Variants in GATB observed in about 807,000 individuals in gnomAD.
The protein encoded by GATB is glutamyl-tRNA amidotransferase subunit B.
In GATB, 39 loss-of-function variants were observed where a neutral mutation model predicts 62.3. The ratio of observed to expected loss-of-function variants is 0.63; its 90% confidence interval spans 0.48 to 0.82. The LOEUF (loss-of-function observed/expected upper bound fraction) is 0.82, where lower values mean the gene tolerates loss of function less well. Among genes scored for constraint, GATB ranks in the 40% least tolerant of loss-of-function variants. The probability of loss-of-function intolerance (pLI) is 0.00; values close to 1 mark genes in which losing one functional copy is unlikely to be tolerated. For missense variants in GATB, 670 were observed against 684.0 expected (o/e 0.98, Z 0.23); for synonymous variants, 276 against 258.9 (o/e 1.07, Z -0.63).
At chr4:151,700,618 T>C (rs1438138054) in intron 9 of GATB, among the ~76,000 whole-genome samples, 1 of 152,210 alleles carries the variant, frequency 6.6e-6, no homozygotes, top group Non-Finnish European at 1.5e-5. Context: ...CCCTGGAAGA[T>C]GCAGCAACAA....
intron 2 of GATB, among the ~76,000 whole-genome samples, chr4:151,732,588 T>C (rs894291998): frequency 9.2e-5 from 14 of 152,102 alleles, no homozygotes; most frequent in African/African-American, 2.9e-4. Flanking sequence ...TGCGGAAGGC[T>C]GCAGGGTCCT....
At position 151,671,223 on chromosome 4, in the gene GATB, G is replaced by A; in HGVS notation, c.1625C>T (p.Ala542Val). The A allele has an allele frequency of 1.2e-6, 2 of 1,614,136 alleles. No individual in the cohort carries two copies. The highest frequency in any genetic ancestry group is 1.7e-6 in the Non-Finnish European group (2 of 1,180,000). The change falls in exon 13 of 13, where the codon GCA (alanine) becomes GTA (valine). Residue 542 changes from alanine (A) to valine (V), a missense_variant. By Grantham distance (64) the Ala-to-Val change is moderately conservative (BLOSUM62 0). Coordinates refer to ENST00000263985, the MANE Select transcript of GATB (RefSeq NM_004564.3). ...GATCTCCTTTATCATGACTGGATCT[G>A]CTCGGCTTTGAGTCGCTTTCCGGAC... ...GLVRKATQSR[A>V]DPVMIKEILE... is the part of the protein sequence containing the mutation.
At chr4:151,756,962 C>A (rs1431675962) in intron 2 of GATB, among the ~76,000 whole-genome samples, 2 of 152,054 alleles carry the variant, frequency 1.3e-5, no homozygotes, top group Non-Finnish European at 2.9e-5. Flanking sequence ...AGAGCTTATG[C>A]CTAATCTCTT....
At chr4:151,707,900 G>A in intron 6 of GATB, 88 bp downstream of exon 6, 1 of 845,390 alleles carries the variant, frequency 1.2e-6, no homozygotes, top group Non-Finnish European at 2.0e-6. Flanking sequence ...TAGTTCTTGT[G>A]TAAGCCACTA....
chr4:151,716,799 T>G, intron 4 of GATB, 77 bp downstream of exon 4: 1 of 1,347,296 alleles, frequency 7.4e-7, no homozygotes, highest in Non-Finnish European at 1.0e-6. Flanking sequence ...TCAAGAAAAC[T>G]CTAGCGGTGA....
In GATB at chr4:151,740,341, G is replaced by GA. The variant is rs1739459172; in HGVS notation, c.327+18430dup. On this transcript the variant is annotated intron_variant, in intron 2 of 12. Coordinates refer to ENST00000263985, the MANE Select transcript of GATB (RefSeq NM_004564.3). The stretch of plus-strand genomic sequence containing the variant: ...AGTGTACTCATACAAACCTGGATGG[G>GA]ACAGCCCTCTACACACCTAGGCTAC... 2.6e-5 allele frequency among the ~76,000 whole-genome samples: 4 copies of GA among 152,258 alleles called. No individual in the cohort carries two copies. The East Asian group carries it at 7.7e-4, about 29-fold the overall frequency.
At chr4:151,747,741 T>G (rs1484772977) in intron 2 of GATB, among the ~76,000 whole-genome samples, 2 of 152,310 alleles carry the variant, frequency 1.3e-5, no homozygotes, top group East Asian at 3.9e-4. Context: ...GAAAAATGTC[T>G]TCAAGTGCCA....
chr4:151,673,044 G>T (rs1342442303), intron 11 of GATB, 148 bp from the exon 12 acceptor site: 1 of 972,554 alleles, frequency 1.0e-6, no homozygotes, highest in Admixed American at 2.7e-5. Context: ...AAAGGGAAAG[G>T]GCACCTGGCT....
chr4:151,703,377 C>T (rs1443227505), intron 8 of GATB: 1 of 158,554 alleles, frequency 6.3e-6, no homozygotes, highest in East Asian at 1.8e-4. Context: ...TTGTGGGTCT[C>T]ATATTAAGTA....
intron 10 of GATB, among the ~76,000 whole-genome samples, chr4:151,684,242 C>G (rs1738200758): frequency 6.6e-6 from 1 of 152,266 alleles, no homozygotes; most frequent in Non-Finnish European, 1.5e-5. Context: ...GCTTGGACAG[C>G]TGGATAGCTG....
At chr4:151,697,953 G>GTGTGTA (rs1186735671) in intron 9 of GATB, among the ~76,000 whole-genome samples, 27 of 40,592 alleles carry the variant, frequency 6.7e-4, no homozygotes, top group African/African-American at 2.0e-3. Context: ...GTGTGTGTGT[G>GTGTGTA]TATATATATA....
chr4:151,682,988 T>C (rs539186952), intron 10 of GATB, among the ~76,000 whole-genome samples: 6 of 152,148 alleles, frequency 3.9e-5, no homozygotes, highest in Non-Finnish European at 8.8e-5. Context: ...TTGAGAACTT[T>C]CTAGGGCACT....
rs1218793669 is a variant in GATB at position 151,730,128 on chromosome 4, TG to T, written c.328-10591del. Among the ~76,000 whole-genome samples, 1 of 152,126 alleles carries T rather than the reference TG, an allele frequency of 6.6e-6. No homozygotes were observed. Among genetic ancestry groups the T allele is most frequent in the Non-Finnish European group, 1.5e-5 (1 of 68,026 alleles). ...CTGGCCCTTTGGTTTGTGTGGGAGCTGGGTGAGGCCTGTGACTGCCAGCTTT... is the reference window on the plus strand; with the variant it reads ...CTGGCCCTTTGGTTTGTGTGGGAGCTGGTGAGGCCTGTGACTGCCAGCTTT... On this transcript the variant is annotated intron_variant, in intron 2 of 12. Coordinates refer to ENST00000263985, the MANE Select transcript of GATB (RefSeq NM_004564.3). The surrounding 1 kb of genome is among the most constrained non-coding windows in gnomAD (Gnocchi z 4.1).
intron 11 of GATB, chr4:151,674,982 C>T (rs1737965543): frequency 1.3e-5 from 2 of 152,346 alleles, no homozygotes; most frequent in Middle Eastern, 6.8e-3. Context: ...GTGGTAGCTG[C>T]TGCGGTGGGA....
chr4:151,708,593 C>G (rs980047900), intron 5 of GATB, among the ~76,000 whole-genome samples: 1 of 152,154 alleles, frequency 6.6e-6, no homozygotes, highest in African/African-American at 2.4e-5. Context: ...GAGGAGAGTC[C>G]TTGAGAATTT....
At position 151,671,090 on chromosome 4, in the gene GATB, TG is replaced by T. The variant is rs1440806537; in HGVS notation, c.*83del. On this transcript the variant is annotated 3_prime_UTR_variant, in exon 13 of 13. Coordinates refer to ENST00000263985, the MANE Select transcript of GATB (RefSeq NM_004564.3). The stretch of plus-strand genomic sequence containing the variant: ...ATTGAGAGGCAGCTCTCAGGGCACA[TG>T]GGCATCAGCTTTCACAGGATCCTGT... 2.7e-6 allele frequency: 4 copies of T among 1,483,214 alleles called. No homozygotes were observed. The highest frequency in any genetic ancestry group is 2.8e-6 in the Non-Finnish European group (3 of 1,071,320). 91.9% of individuals were successfully genotyped at this position (1,483,214 alleles called of 1,614,324 possible).
intron 2 of GATB, among the ~76,000 whole-genome samples, chr4:151,758,080 T>C (rs1434237493): frequency 6.6e-6 from 1 of 152,060 alleles, no homozygotes; most frequent in Non-Finnish European, 1.5e-5. Flanking sequence ...TAAAAATGAG[T>C]GGTTAAGTGA....
At position 151,687,531 on chromosome 4, in the gene GATB, G is replaced by C. The variant is rs770165959; in HGVS notation, c.1331+1099C>G. 1.1e-3 allele frequency among the ~76,000 whole-genome samples: 172 copies of C among 152,220 alleles called. 2 individuals are homozygous for C. Among genetic ancestry groups the C allele is most frequent in the Non-Finnish European group, 2.2e-3 (151 of 68,042 alleles). On this transcript the variant is annotated intron_variant, in intron 10 of 12. Coordinates refer to ENST00000263985, the MANE Select transcript of GATB (RefSeq NM_004564.3). ...TGGGGCATTTCTCATCCGCATTCCT[G>C]AAAGAGGTTCCCAAATGGAATTCCT...
At chr4:151,729,830 A>G (rs1243868527) in intron 2 of GATB, among the ~76,000 whole-genome samples, 1 of 152,192 alleles carries the variant, frequency 6.6e-6, no homozygotes, top group African/African-American at 2.4e-5. Context: ...TCCCTAAAGG[A>G]GGCAGGAGCT....
Sources: gnomAD v4.1 joint callset for allele counts (sites outside exome capture counted in the v4.1 genomes callset) on GRCh38, gnomAD v4.1.1 for gene constraint, Gnocchi (gnomAD v3.1) non-coding constraint, MANE v1.5 for transcripts, NCBI Gene and HGNC (gene_info 2026-07-23, HGNC 2026-07-21) for gene names.